TMEM178B: variants seen among roughly 807,000 people sequenced by gnomAD.
TMEM178B encodes the protein transmembrane protein 178B.
TMEM178B carries 5 observed loss-of-function variants against 31.0 expected under a neutral mutation model. The ratio of observed to expected loss-of-function variants is 0.16; its 90% CI spans 0.08 to 0.34. The LOEUF (loss-of-function observed/expected upper bound fraction) is 0.34. TMEM178B is among the 10% of genes least tolerant of loss of function. The probability of loss-of-function intolerance (pLI) is 1.00; values close to 1 mark genes in which losing one functional copy is unlikely to be tolerated. For synonymous variants in TMEM178B, 164 were observed against 164.0 expected (o/e 1.00, Z 0.00); for missense variants, 275 against 400.3 (o/e 0.69, Z 2.67).
At chr7:141,257,920 CCTTA>C (rs112266203) in intron 2 of TMEM178B, among the ~76,000 whole-genome samples, 2,653 of 151,618 alleles carry the variant, frequency 0.017, 78 homozygotes, top group African/African-American at 0.061. Context: ...TCTGTTCCTC[CCTTA>C]CTTCCTTTTT....
intron 3 of TMEM178B, among the ~76,000 whole-genome samples, chr7:141,448,648 G>A (rs896038598): frequency 6.6e-6 from 1 of 152,148 alleles, no homozygotes; most frequent in Non-Finnish European, 1.5e-5. Flanking sequence ...GACTGAGGGT[G>A]GGGGAGACGA....
At chr7:141,414,577 A>G (rs1407261113) in intron 2 of TMEM178B, 1 of 152,668 alleles carries the variant, frequency 6.6e-6, no homozygotes, top group African/African-American at 2.4e-5. Context: ...TTAATACTTC[A>G]CTAGAGAGTA....
intron 2 of TMEM178B, among the ~76,000 whole-genome samples, chr7:141,362,505 T>C (rs80227300): frequency 1.4e-5 from 2 of 140,362 alleles, no homozygotes; most frequent in Non-Finnish European, 1.5e-5. Context: ...ACACATGCAC[T>C]TTTTTTTTTA....
At chr7:141,329,014 TC>T (rs569495338) in intron 2 of TMEM178B, among the ~76,000 whole-genome samples, 5 of 151,872 alleles carry the variant, frequency 3.3e-5, no homozygotes, top group Non-Finnish European at 5.9e-5. Flanking sequence ...AATTAACATG[TC>T]CCCCCCAGTC....
the TMEM178B span, among the ~76,000 whole-genome samples, chr7:141,487,506 G>A: frequency 5.3e-5 from 8 of 151,866 alleles, no homozygotes; most frequent in Admixed American, 3.3e-4. Flanking sequence ...TTGGGAGGCC[G>A]AGGCAGGCAG....
chr7:141,414,033 G>T (rs962893471), intron 2 of TMEM178B, among the ~76,000 whole-genome samples: 1 of 149,666 alleles, frequency 6.7e-6, no homozygotes, highest in Non-Finnish European at 1.5e-5. Context: ...ACAATTTCAT[G>T]TCTAGTTTTT....
Position 141,344,574 on chromosome 7 carries a change from CCCTT to C in TMEM178B, c.497-92982_497-92979del, listed in dbSNP as rs34831263. Among the ~76,000 whole-genome samples the C allele has an allele frequency of 0.42, 58,018 of 136,858 alleles. 13,079 individuals are homozygous for C. The highest frequency in any genetic ancestry group is 0.57 in the East Asian group (2,705 of 4,710). The allele number at this position is 136,858 out of a possible 152,430, so 89.8% of individuals were successfully genotyped here. A position where few individuals can be genotyped will look rare whatever the true frequency, so the allele number is the denominator to read the frequency against. On this transcript the variant is annotated intron_variant, in intron 2 of 3. Transcript: ENST00000565468. The surrounding 1 kb of genome is among the most constrained non-coding windows in gnomAD (Gnocchi z 4.1). ...CTCCCTCCCTCCATTCCTCCCTCCT[CCCTT>C]CCTTCCTTCCTTCCTTCCTTCCTTC...
At chr7:141,309,794 A>C (rs559538045) in intron 2 of TMEM178B, among the ~76,000 whole-genome samples, 4 of 152,304 alleles carry the variant, frequency 2.6e-5, no homozygotes, top group African/African-American at 7.2e-5. Context: ...TCATGCCTTT[A>C]GGATTGGGTT....
intron 2 of TMEM178B, among the ~76,000 whole-genome samples, chr7:141,320,031 ATCATGGGGGTGGTTTCC>A (rs1799071128): frequency 6.6e-6 from 1 of 152,010 alleles, no homozygotes; most frequent in South Asian, 2.1e-4. Flanking sequence ...AGGTGATTGG[ATCATGGGGGTGGTTTCC>A]CCCATGCTGT....
intron 2 of TMEM178B, among the ~76,000 whole-genome samples, chr7:141,410,567 C>G (rs1044694060): frequency 6.8e-6 from 1 of 146,842 alleles, no homozygotes; most frequent in Admixed American, 7.1e-5. Context: ...TCTTTTCTTT[C>G]CCAGGTCAGG....
intron 2 of TMEM178B, among the ~76,000 whole-genome samples, chr7:141,274,439 A>G (rs1798234183): frequency 6.6e-6 from 1 of 152,172 alleles, no homozygotes; most frequent in South Asian, 2.1e-4. Flanking sequence ...TTTGGATTTC[A>G]TAGGTTCTGA....
intron 1 of TMEM178B, among the ~76,000 whole-genome samples, chr7:141,099,477 C>T (rs2129173410): frequency 6.6e-6 from 1 of 152,276 alleles, no homozygotes; most frequent in South Asian, 2.1e-4. Context: ...ATTGAATTGT[C>T]AATGTGCTGA....
At chr7:141,107,467 G>A (rs530806962) in intron 1 of TMEM178B, among the ~76,000 whole-genome samples, 3 of 152,294 alleles carry the variant, frequency 2.0e-5, no homozygotes, top group East Asian at 1.9e-4. Flanking sequence ...GCAGTGGAGC[G>A]GGTGAGAAGT....
intron 1 of TMEM178B, among the ~76,000 whole-genome samples, chr7:141,209,047 G>T (rs113343679): frequency 4.0e-4 from 61 of 152,296 alleles, no homozygotes; most frequent in Non-Finnish European, 8.1e-4. Flanking sequence ...CCTCCAGCAG[G>T]GTGCAAGCCT....
the TMEM178B span, among the ~76,000 whole-genome samples, chr7:141,492,439 G>A: frequency 1.1e-4 from 16 of 152,220 alleles, no homozygotes; most frequent in Admixed American, 2.0e-4. Context: ...AAAAACTTAC[G>A]TTCCACAAGG....
At chr7:141,121,125 A>G (rs1795401117) in intron 1 of TMEM178B, among the ~76,000 whole-genome samples, 1 of 151,990 alleles carries the variant, frequency 6.6e-6, no homozygotes, top group Non-Finnish European at 1.5e-5. Flanking sequence ...CTGTATCACT[A>G]TTTTTGGTTA....
intron 2 of TMEM178B, among the ~76,000 whole-genome samples, chr7:141,427,694 AAATC>A (rs1426442358): frequency 6.6e-6 from 1 of 152,194 alleles, no homozygotes; most frequent in Admixed American, 6.5e-5. Flanking sequence ...ACAAAAACAA[AAATC>A]AACGAATGGG....
chr7:141,133,654 A>G (rs1176605119), intron 1 of TMEM178B, among the ~76,000 whole-genome samples: 1 of 152,246 alleles, frequency 6.6e-6, no homozygotes, highest in African/African-American at 2.4e-5. Flanking sequence ...GCAAAGGCGT[A>G]GAAAACCCAT....
chr7:141,162,046 C>T (rs1448108942), intron 1 of TMEM178B, among the ~76,000 whole-genome samples: 3 of 152,166 alleles, frequency 2.0e-5, no homozygotes, highest in Non-Finnish European at 2.9e-5. Context: ...TTGCCAGGAG[C>T]TAATTTTCCA....
Sources: allele counts gnomAD v4.1 joint callset (sites outside exome capture counted in the v4.1 genomes callset), GRCh38; gene constraint gnomAD v4.1.1; non-coding constraint Gnocchi (gnomAD v3.1); transcripts MANE v1.5; gene names NCBI Gene and HGNC (gene_info 2026-07-23, HGNC 2026-07-21).